The following HORMAD2 variants were observed in gnomAD, a reference collection of about 807,000 sequenced individuals.
The protein encoded by HORMAD2 is HORMA domain-containing protein 2.
HORMAD2 carries 45 observed loss-of-function variants against 38.8 expected under a neutral mutation model. The observed-to-expected ratio is 1.16, with a 90% CI of 0.91 to 1.49. The LOEUF is 1.49. HORMAD2 is among the 40% of genes most tolerant of loss of function. The probability of loss-of-function intolerance (pLI) is 0.00; values close to 1 mark genes in which losing one functional copy is unlikely to be tolerated. For synonymous variants in HORMAD2, 126 were observed against 122.8 expected (o/e 1.03, Z -0.17); for missense variants, 338 against 367.0 (o/e 0.92, Z 0.65).
intron 10 of HORMAD2, among the ~76,000 whole-genome samples, chr22:30,163,001 G>A (rs553651536): frequency 3.3e-5 from 5 of 151,970 alleles, no homozygotes; most frequent in East Asian, 1.9e-4. Context: ...CACGCCTGGC[G>A]ATTTGTGGAC....
intron 2 of HORMAD2, 96 bp from the exon 3 acceptor site, chr22:30,098,756 T>G: frequency 9.7e-7 from 1 of 1,028,878 alleles, no homozygotes; most frequent in African/African-American, 1.6e-5. Context: ...AAATTTGAAG[T>G]CCTGAGAAAT....
chr22:30,099,136 T>C (rs1486782149), intron 3 of HORMAD2, 143 bp downstream of exon 3: 1 of 657,654 alleles, frequency 1.5e-6, no homozygotes, highest in East Asian at 3.0e-5. Context: ...CCATTTTCCA[T>C]TTTAATTTTA....
intron 10 of HORMAD2, among the ~76,000 whole-genome samples, chr22:30,171,566 C>A (rs1382701833): frequency 6.6e-6 from 1 of 152,168 alleles, no homozygotes; most frequent in Admixed American, 6.6e-5. Context: ...ATAACAGACT[C>A]ATCACTTGTA....
Position 30,093,994 on chromosome 22 carries a change from G to A in HORMAD2, c.42G>A (p.Lys14=). 1 of 1,602,652 alleles carries A rather than the reference G, an allele frequency of 6.2e-7. No homozygotes were observed. The highest frequency in any genetic ancestry group is 1.1e-5 in the South Asian group (1 of 89,560). ...AQLSHCITIH[K]ASKETVFPSQ... is the part of the protein sequence containing the mutation. ...TTTCTCACTGCATCACAATACACAA[G>A]GCTTCTAAGGTATTTGTTAAGAATT... Residue 14 remains lysine (K), a synonymous_variant, in exon 2 of 11, where the codon AAG becomes AAA. Transcript: ENST00000336726.
intron 10 of HORMAD2, chr22:30,137,302 C>A (rs1454515435): frequency 1.9e-6 from 1 of 520,368 alleles, no homozygotes; most frequent in East Asian, 4.2e-5. Context: ...AATTTTGATT[C>A]CTTGAGTCCT....
intron 10 of HORMAD2, among the ~76,000 whole-genome samples, chr22:30,128,627 C>T (rs1476060121): frequency 6.6e-6 from 1 of 152,120 alleles, no homozygotes; most frequent in Non-Finnish European, 1.5e-5. Context: ...ATTTGTATGG[C>T]TCTCAAATGA....
rs9620952 is a variant in HORMAD2, at chr22:30,134,671, C to A, written c.819+12457C>A. Among the ~76,000 whole-genome samples the A allele has an allele frequency of 3.9e-3, 577 of 149,382 alleles. 7 individuals are homozygous for A. Among genetic ancestry groups the A allele is most frequent in the African/African-American group, 0.014 (559 of 40,078 alleles). On this transcript the variant is annotated intron_variant, in intron 10 of 10. Transcript: ENST00000336726. Reference sequence around the variant, plus strand: ...TACAAGCATAATCTCGTGTGTGTACCAACAGAGCCTTGCTCTGTCACCAAA... The same window carrying A: ...TACAAGCATAATCTCGTGTGTGTACAAACAGAGCCTTGCTCTGTCACCAAA...
At chr22:30,139,080 C>T (rs1923871947) in intron 10 of HORMAD2, among the ~76,000 whole-genome samples, 1 of 151,636 alleles carries the variant, frequency 6.6e-6, no homozygotes, top group South Asian at 2.1e-4. Context: ...TTCATCTGCA[C>T]CATTGACTCT....
chr22:30,202,275 G>T, the HORMAD2 span, among the ~76,000 whole-genome samples: 7 of 152,144 alleles, frequency 4.6e-5, no homozygotes, highest in Non-Finnish European at 1.0e-4. Context: ...GTCCAGGCAG[G>T]CTGGGTTGGC....
chr22:30,103,735 T>C (rs935876457), intron 4 of HORMAD2, among the ~76,000 whole-genome samples: 1 of 130,224 alleles, frequency 7.7e-6, no homozygotes, highest in African/African-American at 2.8e-5. Flanking sequence ...CAATCTCGGC[T>C]CACTGCAACC....
chr22:30,099,102 G>C lies in HORMAD2; in HGVS notation c.193+109G>C, dbSNP rs987674402. 9 of 881,316 alleles carry C rather than the reference G, an allele frequency of 1.0e-5. No homozygotes were observed. In the African/African-American group the frequency reaches 1.4e-4, roughly 13 times the overall value. The allele number at this position is 881,316 out of a possible 1,614,324, so 54.6% of individuals were successfully genotyped here. ...TGTGCTAATTCCAACTTAAGGGCCT[G>C]TTCTTCAAGACCAATTTGCTAATCC... On this transcript the variant is annotated intron_variant, in intron 3 of 10. Transcript: ENST00000336726.
chr22:30,088,153 A>C (rs1001664878), intron 1 of HORMAD2, among the ~76,000 whole-genome samples: 1 of 151,408 alleles, frequency 6.6e-6, no homozygotes, highest in Non-Finnish European at 1.5e-5. Context: ...ACACATATGT[A>C]TACACGTATA....
intron 7 of HORMAD2, among the ~76,000 whole-genome samples, chr22:30,113,869 C>T (rs1449881814): frequency 6.6e-6 from 1 of 152,132 alleles, no homozygotes; most frequent in Non-Finnish European, 1.5e-5. Flanking sequence ...GTAGCAATTC[C>T]TCAATGCCCA....
chr22:30,141,753 C>G (rs1490934609), intron 10 of HORMAD2, among the ~76,000 whole-genome samples: 1 of 152,016 alleles, frequency 6.6e-6, no homozygotes, highest in Non-Finnish European at 1.5e-5. Context: ...TGCCACCACC[C>G]CCGGCTAATT....
chr22:30,088,126 T>TGTACATATACACAC (rs2068611230), intron 1 of HORMAD2, among the ~76,000 whole-genome samples: 1 of 129,108 alleles, frequency 7.7e-6, no homozygotes, highest in Non-Finnish European at 1.8e-5. Context: ...TACACACACG[T>TGTACATATACACAC]ACACATGTGT....
At chr22:30,175,541 G>A (rs1044484891) in intron 10 of HORMAD2, among the ~76,000 whole-genome samples, 1 of 151,376 alleles carries the variant, frequency 6.6e-6, no homozygotes, top group Non-Finnish European at 1.5e-5. Context: ...CAAACTCAAT[G>A]GCAAAATATA....
At chr22:30,151,986 T>C (rs1278490288) in intron 10 of HORMAD2, among the ~76,000 whole-genome samples, 1 of 152,214 alleles carries the variant, frequency 6.6e-6, no homozygotes, top group East Asian at 1.9e-4. Context: ...ATCCTGATGA[T>C]GCTTCTAGTT....
At chr22:30,110,062 T>C (rs1274078520) in intron 5 of HORMAD2, among the ~76,000 whole-genome samples, 1 of 151,932 alleles carries the variant, frequency 6.6e-6, no homozygotes, top group African/African-American at 2.4e-5. Context: ...TTAGAAAAAA[T>C]AACAGTACAA....
At chr22:30,125,125 A>G (rs935058115) in intron 10 of HORMAD2, among the ~76,000 whole-genome samples, 2 of 151,712 alleles carry the variant, frequency 1.3e-5, no homozygotes, top group African/African-American at 4.8e-5. Flanking sequence ...GGTTTAAAAA[A>G]TATGTGCTTA....
Sources: gnomAD v4.1 joint callset for allele counts (sites outside exome capture counted in the v4.1 genomes callset) on GRCh38, gnomAD v4.1.1 for gene constraint, MANE v1.5 for transcripts, NCBI Gene and HGNC (gene_info 2026-07-23, HGNC 2026-07-21) for gene names.